Variants in OR51B5 observed in about 807,000 individuals in gnomAD.
The protein encoded by OR51B5 is olfactory receptor family 51 subfamily B member 5, also known as olfactory receptor 51B5.
For synonymous variants in OR51B5, 186 were observed against 144.8 expected (o/e 1.28, Z -2.04); for missense variants, 456 against 374.6 (o/e 1.22, Z -1.79).
intron 1 of OR51B5, among the ~76,000 whole-genome samples, chr11:5,369,736 TA>T (rs1174440571): frequency 6.6e-6 from 1 of 152,186 alleles, no homozygotes; most frequent in East Asian, 1.9e-4. Context: ...CATACTCAAA[TA>T]AATAGTCCTA....
At chr11:5,453,753 G>A (rs763220863) in intron 1 of OR51B5, 1 of 1,614,128 alleles carries the variant, frequency 6.2e-7, no homozygotes, top group South Asian at 1.1e-5. Context: ...CTGCCTCAAT[G>A]CCCGCAACAT....
chr11:5,471,404 G>A (rs989520197), intron 1 of OR51B5, among the ~76,000 whole-genome samples: 4 of 152,002 alleles, frequency 2.6e-5, no homozygotes, highest in Admixed American at 6.6e-5. Flanking sequence ...TTGGGAGGCC[G>A]AGGCAGGTGG....
At chr11:5,415,239 C>T (rs544478990) in intron 1 of OR51B5, among the ~76,000 whole-genome samples, 1 of 150,818 alleles carries the variant, frequency 6.6e-6, no homozygotes, top group Admixed American at 6.6e-5. Flanking sequence ...AGAACAAAGA[C>T]ACAACATACC....
chr11:5,390,429 G>A (rs1849778790), intron 1 of OR51B5: 1 of 1,462,786 alleles, frequency 6.8e-7, no homozygotes, highest in Non-Finnish European at 9.1e-7. Flanking sequence ...GCCCCAAATT[G>A]GACTGAAAAT....
intron 1 of OR51B5, among the ~76,000 whole-genome samples, chr11:5,485,436 A>C (rs986700318): frequency 6.6e-6 from 1 of 152,224 alleles, no homozygotes. Flanking sequence ...TGCCGTCAGC[A>C]TAAGCACCTG....
chr11:5,498,393 C>T (rs116069842), intron 1 of OR51B5, among the ~76,000 whole-genome samples: 1,634 of 152,222 alleles, frequency 0.011, 31 homozygotes, highest in African/African-American at 0.034. Context: ...ACCCAAGAAA[C>T]ATCACACTTA....
intron 1 of OR51B5, among the ~76,000 whole-genome samples, chr11:5,353,644 G>C (rs1385553174): frequency 6.6e-6 from 1 of 152,192 alleles, no homozygotes; most frequent in Non-Finnish European, 1.5e-5. Context: ...CAAATGATAA[G>C]TTTTAAATTA....
At chr11:5,459,237 T>G (rs749377053) in intron 1 of OR51B5, among the ~76,000 whole-genome samples, 23 of 152,210 alleles carry the variant, frequency 1.5e-4, no homozygotes, top group Admixed American at 2.6e-4. Context: ...TTAGTTCTGT[T>G]AAAGAGATGA....
chr11:5,385,743 A>G (rs976221422), intron 1 of OR51B5, among the ~76,000 whole-genome samples: 1 of 142,634 alleles, frequency 7.0e-6, no homozygotes, highest in African/African-American at 2.6e-5. Context: ...ATATTTTTGT[A>G]TATTTGTTTA....
At chr11:5,466,893 A>C (rs893488436) in intron 1 of OR51B5, among the ~76,000 whole-genome samples, 1 of 152,238 alleles carries the variant, frequency 6.6e-6, no homozygotes, top group Non-Finnish European at 1.5e-5. Flanking sequence ...GGGAAGCTGT[A>C]TTTAGCTGTT....
intron 1 of OR51B5, among the ~76,000 whole-genome samples, chr11:5,352,781 G>C (rs112071650): frequency 3.7e-5 from 3 of 81,218 alleles, no homozygotes; most frequent in East Asian, 2.2e-4. Context: ...TACACACACA[G>C]ATACATACCC....
chr11:5,427,362 A>T (rs373823805), intron 1 of OR51B5, among the ~76,000 whole-genome samples: 7 of 106,226 alleles, frequency 6.6e-5, no homozygotes, highest in African/African-American at 2.6e-4. Context: ...ACAGTTAGGT[A>T]AGTGAAGTGA....
chr11:5,483,919 C>T (rs12283559), intron 1 of OR51B5, among the ~76,000 whole-genome samples: 49,811 of 151,732 alleles, frequency 0.33, 8,331 homozygotes, highest in Middle Eastern at 0.38. Flanking sequence ...ACATTCAGAC[C>T]CTCCACTCTC....
chr11:5,426,172 A>G (rs1417581474), intron 1 of OR51B5, among the ~76,000 whole-genome samples: 1 of 152,204 alleles, frequency 6.6e-6, no homozygotes, highest in Non-Finnish European at 1.5e-5. Context: ...GCAAAACTAT[A>G]GTGAGTATGT....
chr11:5,372,804 A>G (rs1409947695), intron 1 of OR51B5, among the ~76,000 whole-genome samples: 1 of 152,138 alleles, frequency 6.6e-6, no homozygotes, highest in Non-Finnish European at 1.5e-5. Context: ...GCTCTGGCAC[A>G]TTTTACAGAA....
At chr11:5,432,099 C>T (rs1850543160) in intron 1 of OR51B5, among the ~76,000 whole-genome samples, 2 of 152,188 alleles carry the variant, frequency 1.3e-5, no homozygotes. Flanking sequence ...CCCTACTCTG[C>T]TATCAAACAT....
chr11:5,407,114 G>T (rs754735666), intron 1 of OR51B5, among the ~76,000 whole-genome samples: 17 of 152,208 alleles, frequency 1.1e-4, no homozygotes, highest in Non-Finnish European at 2.1e-4. Flanking sequence ...AGTGCATGGA[G>T]AATGCCTACC....
At chr11:5,343,471 C>A (rs376277471) in exon 1 of OR51B5, 1 of 1,532,182 alleles carries the variant, frequency 6.5e-7, no homozygotes, top group South Asian at 1.1e-5. Flanking sequence ...GAGCTTCCTC[C>A]AAGCCTGGAA....
chr11:5,484,564 A>G (rs1851473398), intron 1 of OR51B5, among the ~76,000 whole-genome samples: 1 of 152,220 alleles, frequency 6.6e-6, no homozygotes, highest in Non-Finnish European at 1.5e-5. Flanking sequence ...TGTCATCACT[A>G]AAAAATATCA....
Sources: allele counts gnomAD v4.1 joint callset (sites outside exome capture counted in the v4.1 genomes callset), GRCh38; gene constraint gnomAD v4.1.1; transcripts MANE v1.5; gene names NCBI Gene and HGNC (gene_info 2026-07-23, HGNC 2026-07-21).